FMN1: variants seen among roughly 807,000 people sequenced by gnomAD.
FMN1 encodes the protein formin-1.
A neutral mutation model predicts 132.4 loss-of-function variants in FMN1; 110 were observed. The ratio of observed to expected loss-of-function variants is 0.83; its 90% CI spans 0.71 to 0.97. FMN1 has a LOEUF of 0.97. Among genes scored for constraint, FMN1 ranks in the 50% least tolerant of loss-of-function variants. The pLI is 0.00. For missense variants in FMN1, 1,792 were observed against 1,705.3 expected (o/e 1.05, Z -0.90); for synonymous variants, 722 against 651.7 (o/e 1.11, Z -1.64).
intron 17 of FMN1, among the ~76,000 whole-genome samples, chr15:32,839,057 G>A (rs994540878): frequency 2.6e-5 from 4 of 152,098 alleles, no homozygotes; most frequent in Admixed American, 6.6e-5. Flanking sequence ...CTTGAAACGG[G>A]ACCAAACTGG....
At chr15:33,026,223 G>A (rs1423868081) in intron 6 of FMN1, among the ~76,000 whole-genome samples, 1 of 151,134 alleles carries the variant, frequency 6.6e-6, no homozygotes, top group Non-Finnish European at 1.5e-5. Context: ...TGGGGAAAGA[G>A]GCAGAGAAAT....
chr15:32,989,311 A>G (rs993496633), intron 7 of FMN1, among the ~76,000 whole-genome samples: 1 of 152,192 alleles, frequency 6.6e-6, no homozygotes, highest in Non-Finnish European at 1.5e-5. Context: ...TGTGAGAACT[A>G]GTCTGCTAAG....
At chr15:33,051,086 C>G (rs981625062) in intron 6 of FMN1, among the ~76,000 whole-genome samples, 1 of 152,160 alleles carries the variant, frequency 6.6e-6, no homozygotes, top group Admixed American at 6.5e-5. Context: ...AAGGACCCCC[C>G]CTTTAAGAAG....
chr15:32,950,986 TTTTA>T (rs150854213), intron 9 of FMN1, among the ~76,000 whole-genome samples: 2,896 of 152,320 alleles, frequency 0.019, 98 homozygotes, highest in East Asian at 0.12. Flanking sequence ...TTGCTTTTTT[TTTTA>T]AAGTCTTAAT....
chr15:33,066,965 A>G (rs2037762523), intron 5 of FMN1: 1 of 1,613,852 alleles, frequency 6.2e-7, no homozygotes, highest in Admixed American at 1.7e-5. Flanking sequence ...CAATTTGAGC[A>G]AAGCTAAGTC....
rs746451951 is a variant in FMN1 at position 33,153,982 on chromosome 15, A to C, written c.933T>G (p.Asp311Glu). The C allele has an allele frequency of 6.5e-7, 1 of 1,536,400 alleles. No homozygotes were observed. The highest frequency in any genetic ancestry group is 1.4e-5 in the African/African-American group (1 of 72,950). ...TCCGCTTAGCCGGCTTCTCCATCTC[A>C]TCCTTTTCTGCCTCTGGATGCTTCT... Reference protein sequence around the residue: ...DPEKHPEAEKDEMEKPAKRTC... With the variant: ...DPEKHPEAEKEEMEKPAKRTC... Residue 311 changes from aspartate to glutamate, a missense_variant, in exon 4 of 21, where the codon GAT (aspartate) becomes GAG (glutamate). Asp to Glu is a conservative substitution (Grantham distance 45). Transcript: ENST00000616417.
intron 4 of FMN1, among the ~76,000 whole-genome samples, chr15:33,121,205 T>C (rs1029844836): frequency 1.3e-5 from 2 of 152,224 alleles, no homozygotes; most frequent in Non-Finnish European, 2.9e-5. Context: ...CTTTTATCAA[T>C]AGAGCAGTGG....
At chr15:33,178,317 A>G (rs1003247020) in intron 3 of FMN1, among the ~76,000 whole-genome samples, 2 of 152,136 alleles carry the variant, frequency 1.3e-5, no homozygotes, top group Admixed American at 1.3e-4. Context: ...AACATGTACC[A>G]TCTGAGGAGG....
intron 10 of FMN1, among the ~76,000 whole-genome samples, chr15:32,913,374 C>T (rs2060610353): frequency 6.6e-6 from 1 of 152,036 alleles, no homozygotes; most frequent in South Asian, 2.1e-4. Flanking sequence ...CTTAACATAC[C>T]TCCAATATCT....
intron 7 of FMN1, among the ~76,000 whole-genome samples, chr15:32,990,321 GA>G (rs1272276030): frequency 6.6e-6 from 1 of 152,058 alleles, no homozygotes; most frequent in Admixed American, 6.6e-5. Context: ...TGAGGAAGAA[GA>G]AAAAAACTGC....
chr15:32,814,236 T>C (rs2057982354), intron 17 of FMN1, among the ~76,000 whole-genome samples: 1 of 152,248 alleles, frequency 6.6e-6, no homozygotes, highest in African/African-American at 2.4e-5. Context: ...CAGATGTCTT[T>C]TGTAAAATGC....
intron 6 of FMN1, among the ~76,000 whole-genome samples, chr15:33,033,773 C>T (rs1437337342): frequency 6.6e-6 from 1 of 151,964 alleles, no homozygotes; most frequent in South Asian, 2.1e-4. Context: ...ACTTTTATCC[C>T]GACACCTCCA....
chr15:33,031,836 C>T (rs1021283372), intron 6 of FMN1, among the ~76,000 whole-genome samples: 4 of 152,158 alleles, frequency 2.6e-5, no homozygotes. Flanking sequence ...GTTTCTATGT[C>T]CTATAAATAT....
At chr15:33,076,663 G>T (rs959267019) in intron 5 of FMN1, among the ~76,000 whole-genome samples, 1 of 152,078 alleles carries the variant, frequency 6.6e-6, no homozygotes, top group Non-Finnish European at 1.5e-5. Flanking sequence ...AATTGCATTT[G>T]ACAGATTATT....
intron 4 of FMN1, among the ~76,000 whole-genome samples, chr15:33,108,391 G>T (rs1381245549): frequency 1.3e-5 from 2 of 152,018 alleles, no homozygotes; most frequent in Admixed American, 6.6e-5. Context: ...CATGAGTAGG[G>T]AAAGGAGATA....
chr15:32,999,098 T>G (rs2033945546), intron 7 of FMN1, among the ~76,000 whole-genome samples: 1 of 152,228 alleles, frequency 6.6e-6, no homozygotes, highest in African/African-American at 2.4e-5. Context: ...TTTTCCTTTT[T>G]GGCATCTCAG....
chr15:32,833,915 A>C (rs1596039289), intron 17 of FMN1, among the ~76,000 whole-genome samples: 1 of 152,196 alleles, frequency 6.6e-6, no homozygotes. Flanking sequence ...GGGTTCCTCC[A>C]TAAGCCCAGA....
At chr15:32,799,272 G>A (rs1367084451) in intron 18 of FMN1, among the ~76,000 whole-genome samples, 1 of 152,118 alleles carries the variant, frequency 6.6e-6, no homozygotes, top group Non-Finnish European at 1.5e-5. Context: ...TCTCTTCCCT[G>A]CTCTTCATTT....
intron 7 of FMN1, among the ~76,000 whole-genome samples, chr15:33,005,208 A>G (rs1288922330): frequency 6.6e-6 from 1 of 152,096 alleles, no homozygotes; most frequent in Non-Finnish European, 1.5e-5. Flanking sequence ...TAAAAAAAAA[A>G]AACTACAGCT....
Sources: gnomAD v4.1 joint callset for allele counts (sites outside exome capture counted in the v4.1 genomes callset) on GRCh38, gnomAD v4.1.1 for gene constraint, MANE v1.5 for transcripts, NCBI Gene and HGNC (gene_info 2026-07-23, HGNC 2026-07-21) for gene names.